Variants in DTNA observed in about 807,000 individuals in gnomAD.
DTNA encodes the protein dystrophin-related protein 3.
DTNA carries 43 observed loss-of-function variants against 100.7 expected under a neutral mutation model. The observed-to-expected ratio is 0.43, with a 90% confidence interval of 0.33 to 0.55. The LOEUF (loss-of-function observed/expected upper bound fraction) is 0.55, where lower values mean the gene tolerates loss of function less well. DTNA is among the 20% of genes least tolerant of loss of function. DTNA has a pLI of 0.04. For synonymous variants in DTNA, 349 were observed against 347.9 expected (o/e 1.00, Z -0.04); for missense variants, 798 against 953.9 (o/e 0.84, Z 2.15).
chr18:34,672,642 G>A (rs1220485535), intron 1 of DTNA, among the ~76,000 whole-genome samples: 4 of 152,162 alleles, frequency 2.6e-5, no homozygotes, highest in Non-Finnish European at 5.9e-5. Context: ...ATCCCTTAGT[G>A]AGCAAGTTGA....
At chr18:34,597,446 C>T (rs890609280) in intron 1 of DTNA, among the ~76,000 whole-genome samples, 9 of 152,108 alleles carry the variant, frequency 5.9e-5, no homozygotes, top group Non-Finnish European at 1.3e-4. Context: ...CAGTTGTTCT[C>T]CTGTCTCTAA....
Position 34,705,213 on chromosome 18 carries a change from G to A in DTNA, c.-1-50763G>A, listed in dbSNP as rs538009381. ...CCACAGAACAGATTTTGATCTGGGA[G>A]AATATTTACTCCTCAGTATCAATTC... On this transcript the variant is annotated intron_variant, in intron 1 of 19. Coordinates refer to the DTNA transcript ENST00000283365. 1.8e-3 allele frequency among the ~76,000 whole-genome samples: 268 copies of A among 152,210 alleles called. 1 individual carries two copies. The highest frequency in any genetic ancestry group is 6.6e-3 in the South Asian group (32 of 4,832).
At chr18:34,739,072 C>T (rs2147652836) in intron 1 of DTNA, among the ~76,000 whole-genome samples, 2 of 152,248 alleles carry the variant, frequency 1.3e-5, no homozygotes, top group East Asian at 3.9e-4. Context: ...CTTCCTCCCT[C>T]CCTGCTCTAG....
At chr18:34,586,116 C>T (rs1261048041) in intron 1 of DTNA, among the ~76,000 whole-genome samples, 1 of 152,100 alleles carries the variant, frequency 6.6e-6, no homozygotes, top group African/African-American at 2.4e-5. Flanking sequence ...TGAACTATTT[C>T]CTTTGAAGAA....
At chr18:34,552,213 T>C (rs2045501389) in intron 1 of DTNA, among the ~76,000 whole-genome samples, 1 of 152,080 alleles carries the variant, frequency 6.6e-6, no homozygotes. Context: ...CAACTTTGCC[T>C]TTTAATCTTT....
At chr18:34,738,347 A>G (rs1255616841) in intron 1 of DTNA, among the ~76,000 whole-genome samples, 3 of 152,204 alleles carry the variant, frequency 2.0e-5, no homozygotes, top group South Asian at 4.1e-4. Context: ...GAGCTGCAAT[A>G]ATAGAAGCAT....
intron 1 of DTNA, among the ~76,000 whole-genome samples, chr18:34,672,838 G>A (rs1342444008): frequency 2.6e-5 from 4 of 152,050 alleles, no homozygotes; most frequent in Non-Finnish European, 5.9e-5. Context: ...CTGTGTGTGT[G>A]TATAACTGGA....
chr18:34,864,129 A>C, intron 17 of DTNA, 67 bp downstream of exon 17: 2 of 1,402,012 alleles, frequency 1.4e-6, no homozygotes, highest in Non-Finnish European at 2.0e-6. Context: ...TTTTGCACAT[A>C]ATGTGCAATG....
chr18:34,842,970 T>C (rs993900919), intron 13 of DTNA, among the ~76,000 whole-genome samples: 5 of 152,054 alleles, frequency 3.3e-5, no homozygotes. Flanking sequence ...CTCTCCAACT[T>C]GTTCACCACC....
At chr18:34,602,942 G>A (rs1429281488) in intron 1 of DTNA, among the ~76,000 whole-genome samples, 1 of 151,890 alleles carries the variant, frequency 6.6e-6, no homozygotes, top group African/African-American at 2.4e-5. Flanking sequence ...GGCAGAGGTT[G>A]CAGTGAACCG....
chr18:34,642,522 TTTCCTTCTTTCTTTCCTTCC>T (rs1343007172), intron 1 of DTNA, among the ~76,000 whole-genome samples: 2 of 151,722 alleles, frequency 1.3e-5, no homozygotes, highest in Admixed American at 1.3e-4. Flanking sequence ...TCTTTCCTTC[TTTCCTTCTTTCTTTCCTTCC>T]TTCCTTCTTT....
Position 34,495,866 on chromosome 18 carries a change from A to G in DTNA, c.-2+2352A>G, listed in dbSNP as rs192190054. 1.7e-3 allele frequency among the ~76,000 whole-genome samples: 261 copies of G among 152,318 alleles called. 1 individual carries two copies. Among genetic ancestry groups the G allele is most frequent in the Middle Eastern group, 0.017 (5 of 294 alleles). The stretch of plus-strand genomic sequence containing the variant: ...AACTTACTTAGAGAATTACTCTCAC[A>G]TATTTAGAGAATTACTCTTCATTTG... On this transcript the variant is annotated intron_variant, in intron 1 of 19. Transcript: ENST00000283365.
chr18:34,770,275 G>T (rs774557769), intron 3 of DTNA, among the ~76,000 whole-genome samples: 14 of 151,296 alleles, frequency 9.3e-5, no homozygotes, highest in African/African-American at 3.4e-4. Context: ...AATTTATTGC[G>T]TATACTAACA....
At chr18:34,862,308 G>T (rs1013390918) in intron 16 of DTNA, among the ~76,000 whole-genome samples, 3 of 151,724 alleles carry the variant, frequency 2.0e-5, no homozygotes, top group Non-Finnish European at 2.9e-5. Context: ...ATTCAGAAAA[G>T]AAGCAATTTT....
At chr18:34,830,062 A>G (rs749108303) in intron 11 of DTNA, among the ~76,000 whole-genome samples, 10 of 152,336 alleles carry the variant, frequency 6.6e-5, no homozygotes, top group Non-Finnish European at 1.0e-4. Context: ...GTGGTGAATC[A>G]CTTTTGTTTT....
intron 1 of DTNA, among the ~76,000 whole-genome samples, chr18:34,580,180 C>A (rs112423668): frequency 6.6e-6 from 1 of 151,952 alleles, no homozygotes; most frequent in Non-Finnish European, 1.5e-5. Flanking sequence ...TTTGATAATG[C>A]CCATATATCT....
chr18:34,541,188 C>T (rs955362213), intron 1 of DTNA, among the ~76,000 whole-genome samples: 3 of 152,124 alleles, frequency 2.0e-5, no homozygotes, highest in South Asian at 2.1e-4. Flanking sequence ...CAAAATTCTA[C>T]GTATGATAAA....
At chr18:34,729,805 G>A (rs1353959436) in intron 1 of DTNA, among the ~76,000 whole-genome samples, 1 of 151,978 alleles carries the variant, frequency 6.6e-6, no homozygotes, top group African/African-American at 2.4e-5. Context: ...AGAAATAATA[G>A]TCATTGTAGA....
chr18:34,585,255 A>C (rs1270794902), intron 1 of DTNA, among the ~76,000 whole-genome samples: 6 of 152,154 alleles, frequency 3.9e-5, no homozygotes, highest in African/African-American at 7.2e-5. Context: ...GGGTACTAAA[A>C]AACAACAACA....
Sources: allele counts gnomAD v4.1 joint callset (sites outside exome capture counted in the v4.1 genomes callset), GRCh38; gene constraint gnomAD v4.1.1; transcripts MANE v1.5; gene names NCBI Gene and HGNC (gene_info 2026-07-23, HGNC 2026-07-21).